The following DOK5 variants were observed in gnomAD, a reference collection of about 807,000 sequenced individuals.
DOK5 encodes the protein downstream of tyrosine kinase 5.
Under a neutral mutation model 43.3 loss-of-function variants are expected in DOK5, and 27 were observed. The ratio of observed to expected loss-of-function variants is 0.62; its 90% CI spans 0.46 to 0.86. The LOEUF is 0.86. Among genes scored for constraint, DOK5 ranks in the 40% least tolerant of loss-of-function variants. The pLI is 0.00. For synonymous variants in DOK5, 146 were observed against 140.1 expected (o/e 1.04, Z -0.30); for missense variants, 373 against 392.9 (o/e 0.95, Z 0.43).
At chr20:54,525,636 A>C (rs1163126079) in intron 1 of DOK5, among the ~76,000 whole-genome samples, 2 of 152,232 alleles carry the variant, frequency 1.3e-5, no homozygotes, top group African/African-American at 4.8e-5. Flanking sequence ...GGAGACAAGA[A>C]TAATATTAGC....
At chr20:54,534,990 C>G (rs190097978) in intron 1 of DOK5, among the ~76,000 whole-genome samples, 2 of 152,084 alleles carry the variant, frequency 1.3e-5, no homozygotes, top group Non-Finnish European at 2.9e-5. Context: ...TGTGCCACCA[C>G]GCCTGGCTAG....
intron 6 of DOK5, among the ~76,000 whole-genome samples, chr20:54,631,094 G>C (rs1173041520): frequency 1.3e-5 from 2 of 152,198 alleles, no homozygotes. Flanking sequence ...GTAGAAGACA[G>C]TATTTAGGAA....
At chr20:54,490,592 AT>A (rs1982126704) in intron 1 of DOK5, among the ~76,000 whole-genome samples, 1 of 151,602 alleles carries the variant, frequency 6.6e-6, no homozygotes, top group Non-Finnish European at 1.5e-5. Flanking sequence ...TTTCTCTCTT[AT>A]TTTTATTTTT....
intron 6 of DOK5, among the ~76,000 whole-genome samples, chr20:54,635,371 G>A (rs6068924): frequency 0.25 from 38,221 of 152,024 alleles, 6,435 homozygotes; most frequent in African/African-American, 0.47. Flanking sequence ...AGAGTCTGGT[G>A]CCCTTTTAAT....
chr20:54,522,614 G>T (rs926123295), intron 1 of DOK5, among the ~76,000 whole-genome samples: 1 of 151,318 alleles, frequency 6.6e-6, no homozygotes, highest in Admixed American at 6.6e-5. Flanking sequence ...CTGTCTCCCG[G>T]GTTCAAGCAA....
chr20:54,500,100 G>A (rs1341670655), intron 1 of DOK5, among the ~76,000 whole-genome samples: 1 of 152,158 alleles, frequency 6.6e-6, no homozygotes, highest in East Asian at 1.9e-4. Context: ...ACTTCAAGAA[G>A]TTGCTAAATG....
intron 1 of DOK5, among the ~76,000 whole-genome samples, chr20:54,531,770 G>C (rs2426529): frequency 0.23 from 34,521 of 152,148 alleles, 6,326 homozygotes; most frequent in African/African-American, 0.52. Context: ...TTAAGTTGGG[G>C]ATTCATTTAT....
chr20:54,480,984 CATCTATCATCT>C (rs1568746218), intron 1 of DOK5, among the ~76,000 whole-genome samples: 4 of 33,956 alleles, frequency 1.2e-4, no homozygotes, highest in African/African-American at 2.5e-4. Flanking sequence ...ATCTATCTAT[CATCTATCATCT>C]ATCTATCATC....
At chr20:54,619,023 TTATATATATATATATATATATA>T (rs11468808) in intron 6 of DOK5, among the ~76,000 whole-genome samples, 954 of 43,398 alleles carry the variant, frequency 0.022, 26 homozygotes, top group African/African-American at 0.036. Flanking sequence ...TTTCAATAAA[TTATATATATATATATATATATA>T]TATATATATA....
At chr20:54,574,453 A>G (rs1448993278) in intron 2 of DOK5, among the ~76,000 whole-genome samples, 2 of 152,122 alleles carry the variant, frequency 1.3e-5, no homozygotes, top group African/African-American at 4.8e-5. Context: ...ACCTATTGAC[A>G]CATCTGAGTT....
chr20:54,601,114 G>C (rs1986285976), intron 5 of DOK5, among the ~76,000 whole-genome samples: 1 of 152,220 alleles, frequency 6.6e-6, no homozygotes, highest in East Asian at 1.9e-4. Context: ...AAGTGTTAGG[G>C]ACCCTCCAGG....
At chr20:54,625,247 C>A (rs554405439) in intron 6 of DOK5, among the ~76,000 whole-genome samples, 3 of 152,086 alleles carry the variant, frequency 2.0e-5, no homozygotes, top group African/African-American at 7.2e-5. Flanking sequence ...ATTAGAATGT[C>A]GGGGAAGACC....
chr20:54,641,040 C>T (rs1979089605), intron 6 of DOK5, among the ~76,000 whole-genome samples: 1 of 152,136 alleles, frequency 6.6e-6, no homozygotes, highest in South Asian at 2.1e-4. Flanking sequence ...ATCAAAACAT[C>T]ACATTGTACT....
intron 6 of DOK5, among the ~76,000 whole-genome samples, chr20:54,629,863 C>G (rs1978481383): frequency 6.6e-6 from 1 of 152,210 alleles, no homozygotes; most frequent in Non-Finnish European, 1.5e-5. Context: ...AGTGCCAAAG[C>G]CCTGAGGCAG....
chr20:54,566,914 C>G (rs771419570), intron 2 of DOK5, among the ~76,000 whole-genome samples: 16 of 152,164 alleles, frequency 1.1e-4, no homozygotes, highest in Non-Finnish European at 1.9e-4. Flanking sequence ...CTAATAGTGA[C>G]ATTTCACTGT....
intron 1 of DOK5, among the ~76,000 whole-genome samples, chr20:54,550,448 G>A (rs2146724452): frequency 6.6e-6 from 1 of 152,232 alleles, no homozygotes; most frequent in South Asian, 2.1e-4. Context: ...CATTGATATT[G>A]ATGTAGTCAA....
chr20:54,572,882 G>A (rs1985335906), intron 2 of DOK5, among the ~76,000 whole-genome samples: 1 of 152,138 alleles, frequency 6.6e-6, no homozygotes, highest in Admixed American at 6.5e-5. Context: ...CAGCCTTCTT[G>A]CTTTTACAGT....
At chr20:54,543,157 T>C (rs1399141938) in intron 1 of DOK5, among the ~76,000 whole-genome samples, 1 of 152,196 alleles carries the variant, frequency 6.6e-6, no homozygotes, top group Non-Finnish European at 1.5e-5. Flanking sequence ...CTTATACAAA[T>C]GTAGAATGAA....
At chr20:54,544,259 G>T (rs1010101840) in intron 1 of DOK5, among the ~76,000 whole-genome samples, 6 of 152,066 alleles carry the variant, frequency 3.9e-5, no homozygotes, top group African/African-American at 1.4e-4. Context: ...CTTAGGCATA[G>T]AATCATGTTG....
Sources: allele counts gnomAD v4.1 joint callset (sites outside exome capture counted in the v4.1 genomes callset), GRCh38; gene constraint gnomAD v4.1.1; transcripts MANE v1.5; gene names NCBI Gene and HGNC (gene_info 2026-07-23, HGNC 2026-07-21).